SRD5A1: variants seen among roughly 807,000 people sequenced by gnomAD.
SRD5A1 encodes 3-oxo-5-alpha-steroid 4-dehydrogenase 1.
SRD5A1 carries 22 observed loss-of-function variants against 28.2 expected under a neutral mutation model. That is an observed-to-expected ratio of 0.78 (90% CI 0.56 to 1.12). The LOEUF (loss-of-function observed/expected upper bound fraction) is 1.12, where lower values mean the gene tolerates loss of function less well. SRD5A1 is among the 50% of genes most tolerant of loss of function. The pLI, the probability that SRD5A1 is intolerant of heterozygous loss-of-function variation, is 0.00. For missense variants in SRD5A1, 300 were observed against 346.7 expected (o/e 0.87, Z 1.07); for synonymous variants, 151 against 135.0 (o/e 1.12, Z -0.82).
intron 1 of SRD5A1, among the ~76,000 whole-genome samples, chr5:6,648,102 G>A (rs1738560427): frequency 6.6e-6 from 1 of 152,078 alleles, no homozygotes; most frequent in Non-Finnish European, 1.5e-5. Context: ...GTTGAATATT[G>A]GCCCCCACTC....
intron 1 of SRD5A1, among the ~76,000 whole-genome samples, chr5:6,647,115 A>G (rs1001297093): frequency 3.3e-5 from 5 of 152,072 alleles, no homozygotes; most frequent in African/African-American, 1.2e-4. Context: ...TTGAGTTCTA[A>G]TTTGATTGCA....
intron 1 of SRD5A1, among the ~76,000 whole-genome samples, chr5:6,641,445 G>A (rs904310956): frequency 6.6e-6 from 1 of 152,216 alleles, no homozygotes; most frequent in Admixed American, 6.5e-5. Context: ...CCTTGGAGCG[G>A]AGTGCTAGGT....
At chr5:6,646,506 G>A (rs895042206) in intron 1 of SRD5A1, among the ~76,000 whole-genome samples, 2 of 152,068 alleles carry the variant, frequency 1.3e-5, no homozygotes, top group African/African-American at 4.8e-5. Context: ...ATCTTGGGAG[G>A]GCGTATGTGT....
At chr5:6,662,583 G>A (rs1381420289) in intron 3 of SRD5A1, among the ~76,000 whole-genome samples, 1 of 152,240 alleles carries the variant, frequency 6.6e-6, no homozygotes, top group African/African-American at 2.4e-5. Flanking sequence ...AACTGTATGT[G>A]TGTGTATTCA....
rs1053460617 is a variant in SRD5A1 at position 6,668,142 on chromosome 5, T to G, written c.714-60T>G. 2.8e-5 allele frequency: 29 copies of G among 1,046,802 alleles called. No individual in the cohort carries two copies. The African/African-American group carries it at 4.4e-4, about 16-fold the overall frequency. 64.8% of individuals were successfully genotyped at this position (1,046,802 alleles called of 1,614,324 possible). On this transcript the variant is annotated intron_variant, in intron 4 of 4. Coordinates refer to ENST00000274192, the MANE Select transcript of SRD5A1 (RefSeq NM_001047.4). ...TAATGAAAAATATTGTCACTTTTGTTAGCATTGGTTAAATGTCTAAGCGAC... is the reference window on the plus strand; with the variant it reads ...TAATGAAAAATATTGTCACTTTTGTGAGCATTGGTTAAATGTCTAAGCGAC...
At chr5:6,651,049 A>G (rs529489493) in intron 1 of SRD5A1, among the ~76,000 whole-genome samples, 26 of 152,218 alleles carry the variant, frequency 1.7e-4, no homozygotes, top group African/African-American at 5.8e-4. Flanking sequence ...AAATGTGGAT[A>G]AGAGTGCCTC....
intron 3 of SRD5A1, among the ~76,000 whole-genome samples, chr5:6,660,975 A>G (rs1221548291): frequency 3.9e-5 from 6 of 152,168 alleles, no homozygotes; most frequent in African/African-American, 1.2e-4. Context: ...ATGAGAATTC[A>G]CTATCACAAG....
intron 3 of SRD5A1, among the ~76,000 whole-genome samples, chr5:6,660,252 A>T (rs369514918): frequency 2.0e-5 from 3 of 152,224 alleles, no homozygotes; most frequent in African/African-American, 7.2e-5. Context: ...TGGCATCTGC[A>T]GGTTTTCCAG....
chr5:6,657,101 G>A (rs1293084410), intron 3 of SRD5A1, among the ~76,000 whole-genome samples: 1 of 152,174 alleles, frequency 6.6e-6, no homozygotes, highest in East Asian at 1.9e-4. Context: ...TGGAGAAAGG[G>A]CGTGACATCA....
chr5:6,640,089 A>G (rs1454447491), intron 1 of SRD5A1, among the ~76,000 whole-genome samples: 2 of 152,156 alleles, frequency 1.3e-5, no homozygotes, highest in East Asian at 3.9e-4. Context: ...AGACATTCCC[A>G]TGTCTCAACG....
At chr5:6,663,588 G>A (rs1030029791) in intron 4 of SRD5A1, among the ~76,000 whole-genome samples, 14 of 152,334 alleles carry the variant, frequency 9.2e-5, no homozygotes, top group Non-Finnish European at 1.3e-4. Flanking sequence ...GACTGGGCGC[G>A]GTGGCTCATG....
At chr5:6,647,324 A>C (rs1468706512) in intron 1 of SRD5A1, among the ~76,000 whole-genome samples, 1 of 152,136 alleles carries the variant, frequency 6.6e-6, no homozygotes, top group African/African-American at 2.4e-5. Flanking sequence ...CAAGTCCTGG[A>C]TATCCTTGTT....
chr5:6,655,307 G>C (rs1738798950), intron 2 of SRD5A1, among the ~76,000 whole-genome samples: 1 of 152,054 alleles, frequency 6.6e-6, no homozygotes, highest in African/African-American at 2.4e-5. Flanking sequence ...CACTGTTTTG[G>C]CCTTTTGCCT....
At chr5:6,651,351 T>C (rs1370772262) in intron 1 of SRD5A1, among the ~76,000 whole-genome samples, 2 of 152,210 alleles carry the variant, frequency 1.3e-5, no homozygotes, top group African/African-American at 2.4e-5. Context: ...AACGTGGTAA[T>C]GCTTTATTGA....
At position 6,656,177 on chromosome 5, in the gene SRD5A1, G is replaced by A. The variant is rs762937826; in HGVS notation, c.560G>A (p.Arg187Lys). 2.5e-6 allele frequency: 4 copies of A among 1,611,750 alleles called. No individual in the cohort carries two copies. The highest frequency in any genetic ancestry group is 3.4e-6 in the Non-Finnish European group (4 of 1,177,938). The part of the protein sequence containing the change: ...KPGDTGYKIP[R>K]GGLFEYVTAA... ...GGAGATACTGGATACAAAATACCAA[G>A]GGGTACGTACAGAAAGTGAAGAATT... The change falls in exon 3 of 5, where the codon AGG (arginine) becomes AAG (lysine). Residue 187 changes from arginine (R) to lysine (K), a missense_variant and splice_region_variant. Arg to Lys is a conservative substitution (Grantham distance 26, BLOSUM62 2). Around this residue, in one of 2 missense-constraint regions of SRD5A1, gnomAD observed 126 missense variants for 185.7 expected, o/e 0.68. Coordinates refer to ENST00000274192, the MANE Select transcript of SRD5A1 (RefSeq NM_001047.4).
intron 1 of SRD5A1, among the ~76,000 whole-genome samples, chr5:6,644,144 G>A (rs746356524): frequency 6.6e-6 from 1 of 152,106 alleles, no homozygotes; most frequent in Non-Finnish European, 1.5e-5. Context: ...TGTTTAAATG[G>A]GTGACATCCA....
chr5:6,659,521 A>G (rs2126547184), intron 3 of SRD5A1, among the ~76,000 whole-genome samples: 1 of 152,314 alleles, frequency 6.6e-6, no homozygotes, highest in African/African-American at 2.4e-5. Flanking sequence ...AATCCAAAGC[A>G]TTGGAACAGA....
intron 1 of SRD5A1, among the ~76,000 whole-genome samples, chr5:6,646,617 T>TG (rs1418387296): frequency 6.6e-6 from 1 of 152,242 alleles, no homozygotes. Context: ...GGACCGGTGG[T>TG]GATATCCTCT....
In SRD5A1 at chr5:6,655,996, A is replaced by G. The variant is rs189145467; in HGVS notation, c.461-82A>G. 25 of 993,714 alleles carry G rather than the reference A, an allele frequency of 2.5e-5. No individual in the cohort carries two copies. In the East Asian group the frequency reaches 5.6e-4, roughly 22 times the overall value. The allele number at this position is 993,714 out of a possible 1,614,324, so 61.6% of individuals were successfully genotyped here. A position where few individuals can be genotyped will look rare whatever the true frequency, so the allele number is the denominator to read the frequency against. On this transcript the variant is annotated intron_variant, in intron 2 of 4. Coordinates refer to ENST00000274192, the MANE Select transcript of SRD5A1 (RefSeq NM_001047.4). The stretch of plus-strand genomic sequence containing the variant: ...CAATGGTAATCTGAAGGGTTGCAAT[A>G]ATACTGTTCAGTCAGGCTGGGGCTC...
Sources: gnomAD v4.1 joint callset for allele counts (sites outside exome capture counted in the v4.1 genomes callset) on GRCh38, gnomAD v4.1.1 for gene constraint, gnomAD v4.1.1 regional missense constraint, MANE v1.5 for transcripts, NCBI Gene and HGNC (gene_info 2026-07-23, HGNC 2026-07-21) for gene names.